Variants in ILRUN observed in about 807,000 individuals in gnomAD.
ILRUN encodes the protein protein ILRUN.
ILRUN carries 3 observed loss-of-function variants against 33.8 expected under a neutral mutation model. The observed-to-expected ratio is 0.09, with a 90% CI of 0.04 to 0.23. The LOEUF (loss-of-function observed/expected upper bound fraction) is 0.23. Among genes scored for constraint, ILRUN ranks in the 10% least tolerant of loss-of-function variants. The pLI, the probability that ILRUN is intolerant of heterozygous loss-of-function variation, is 1.00. For synonymous variants in ILRUN, 124 were observed against 138.9 expected, an observed-to-expected ratio of 0.89 and a Z score of 0.75; for missense variants, 210 against 375.1, an observed-to-expected ratio of 0.56 and a Z score of 3.64.
chr6:34,590,597 G>A lies in ILRUN; in HGVS notation c.865C>T (p.Leu289Phe). The A allele has an allele frequency of 6.2e-7, 1 of 1,606,590 alleles. No individual in the cohort carries two copies. The highest frequency in any genetic ancestry group is 2.2e-5 in the East Asian group (1 of 44,846). The change falls in exon 5 of 5, where the codon CTC (leucine) becomes TTC (phenylalanine). Residue 289 changes from leucine to phenylalanine, a missense_variant. Leu to Phe is a conservative substitution (Grantham distance 22). Around this residue, in one of 4 missense-constraint regions of ILRUN, gnomAD observed 81 missense variants for 97.0 expected, o/e 0.84. Transcript: ENST00000374023. ...TGGCCGAAGGGGTAAGGCCCATGGA[G>A]CCCCTGGAAGAGAGTGAAGATAGTC... ...NLSVVTYSKG[L>F]HGPYPFGQS
At position 34,613,216 on chromosome 6, in the gene ILRUN, AAACAAC is replaced by A. The variant is rs35446561; in HGVS notation, c.512-6318_512-6313del. ...GTGACAGAGTGAGACCCTGTCTCAA[AAACAAC>A]AACAACAACAACAACAACAACAACA... On this transcript the variant is annotated intron_variant, in intron 3 of 4. Coordinates refer to ENST00000374023, the MANE Select transcript of ILRUN (RefSeq NM_024294.4). Among the ~76,000 whole-genome samples the A allele has an allele frequency of 8.5e-4, 128 of 150,252 alleles. No individual in the cohort carries two copies. In the South Asian group the frequency reaches 0.014, roughly 16 times the overall value.
chr6:34,622,528 T>C (rs967192691), intron 3 of ILRUN, among the ~76,000 whole-genome samples: 3 of 151,612 alleles, frequency 2.0e-5, no homozygotes, highest in African/African-American at 4.8e-5. Flanking sequence ...ACACTTATGA[T>C]GGCTACTACT....
rs1345882323 is a variant in ILRUN, at chr6:34,592,139, T to C, written c.862-1539A>G. Among the ~76,000 whole-genome samples, 2 of 152,204 alleles carry C rather than the reference T, an allele frequency of 1.3e-5. No homozygotes were observed. Among genetic ancestry groups the C allele is most frequent in the African/African-American group, 4.8e-5 (2 of 41,440 alleles). On this transcript the variant is annotated intron_variant, in intron 4 of 4. Coordinates refer to ENST00000374023, the MANE Select transcript of ILRUN (RefSeq NM_024294.4). This position sits in a 1 kb window ranked among gnomAD's most constrained non-coding sequence, Gnocchi z 4.0. ...AACCAGAAGGACATCTCTAGCTGCT[T>C]GGTCGTATCACTAAACTAAACAAAA...
chr6:34,648,111 T>C (rs75878735), intron 2 of ILRUN, among the ~76,000 whole-genome samples: 1,828 of 152,286 alleles, frequency 0.012, 44 homozygotes, highest in African/African-American at 0.039. Flanking sequence ...CTAGATGTGA[T>C]TTTTCCTGTG....
At chr6:34,670,858 A>AG (rs1562026571) in intron 1 of ILRUN, among the ~76,000 whole-genome samples, 1 of 151,446 alleles carries the variant, frequency 6.6e-6, no homozygotes, top group African/African-American at 2.4e-5. Flanking sequence ...AAAAAAAAAA[A>AG]AAAAGAAAAG....
rs990915567 is a variant in ILRUN, at chr6:34,663,326, A to G, written c.159-8547T>C. Among the ~76,000 whole-genome samples the G allele has an allele frequency of 1.4e-4, 22 of 152,214 alleles. 1 individual carries two copies. The highest frequency in any genetic ancestry group is 1.2e-3 in the Admixed American group (18 of 15,284). Reference sequence around the variant, plus strand: ...TAGTCCCAGCTACTCAGAAGGCTGAAGTGGAAAGATCACTTGAGCCCAGGA... The same window carrying G: ...TAGTCCCAGCTACTCAGAAGGCTGAGGTGGAAAGATCACTTGAGCCCAGGA... On this transcript the variant is annotated intron_variant, in intron 1 of 4. Coordinates refer to ENST00000374023, the MANE Select transcript of ILRUN (RefSeq NM_024294.4).
intron 3 of ILRUN, among the ~76,000 whole-genome samples, chr6:34,622,766 G>A (rs1382349884): frequency 6.6e-6 from 1 of 152,190 alleles, no homozygotes; most frequent in Non-Finnish European, 1.5e-5. Flanking sequence ...CTAAAGATCT[G>A]AAAACAGGGT....
rs1275625874 is a variant in ILRUN at position 34,590,598 on chromosome 6, C to T, written c.864G>A (p.Gly288=). ...NNLSVVTYSK[G]LHGPYPFGQS is the part of the protein sequence containing the mutation. The stretch of plus-strand genomic sequence containing the variant: ...GGCCGAAGGGGTAAGGCCCATGGAG[C>T]CCCTGGAAGAGAGTGAAGATAGTCA... Residue 288 remains glycine (G), a splice_region_variant and synonymous_variant, in exon 5 of 5, where the codon GGG becomes GGA. Transcript: ENST00000374023. The T allele has an allele frequency of 6.2e-7, 1 of 1,606,962 alleles. No homozygotes were observed. The highest frequency in any genetic ancestry group is 8.5e-7 in the Non-Finnish European group (1 of 1,173,536).
chr6:34,608,862 G>A (rs373365742), intron 3 of ILRUN, among the ~76,000 whole-genome samples: 1 of 152,148 alleles, frequency 6.6e-6, no homozygotes, highest in Middle Eastern at 3.2e-3. Flanking sequence ...AGAAAGTAGC[G>A]GTTCCTGAAC....
chr6:34,627,020 T>C (rs1294902716), intron 3 of ILRUN, among the ~76,000 whole-genome samples: 2 of 151,758 alleles, frequency 1.3e-5, no homozygotes, highest in African/African-American at 4.8e-5. Context: ...AAAAAAATGG[T>C]ATTCAGAATA....
Position 34,590,502 on chromosome 6 carries a change from G to C in ILRUN, c.*63C>G. ...GGTCTGCAATCCAGAGGAACCCCTTGCCCTAACCCCCCAAAGTCAGGCCTT... is the reference window on the plus strand; with the variant it reads ...GGTCTGCAATCCAGAGGAACCCCTTCCCCTAACCCCCCAAAGTCAGGCCTT... On this transcript the variant is annotated 3_prime_UTR_variant, in exon 5 of 5. Transcript: ENST00000374023. The C allele has an allele frequency of 6.2e-7, 1 of 1,611,568 alleles. No individual in the cohort carries two copies. The highest frequency in any genetic ancestry group is 8.5e-7 in the Non-Finnish European group (1 of 1,178,762).
At chr6:34,668,377 C>T (rs1443553057) in intron 1 of ILRUN, among the ~76,000 whole-genome samples, 1 of 152,154 alleles carries the variant, frequency 6.6e-6, no homozygotes, top group Non-Finnish European at 1.5e-5. Flanking sequence ...TGTACATCAA[C>T]TTATATATTG....
In ILRUN at chr6:34,653,125, C is replaced by T. The variant is rs771340686; in HGVS notation, c.313+1500G>A. On this transcript the variant is annotated intron_variant, in intron 2 of 4. Coordinates refer to ENST00000374023, the MANE Select transcript of ILRUN (RefSeq NM_024294.4). ...CCCAGCCTGGGTGACAGAGTGAGAC[C>T]TTGTCTCAAAAAAAAAAAAAAAAAA... 6.3e-3 allele frequency among the ~76,000 whole-genome samples: 734 copies of T among 116,162 alleles called. 2 individuals are homozygous for T. Among genetic ancestry groups the T allele is most frequent in the Non-Finnish European group, 9.6e-3 (591 of 61,396 alleles). 76.2% of individuals were successfully genotyped at this position (116,162 alleles called of 152,430 possible).
chr6:34,604,337 G>C (rs1001864746), intron 4 of ILRUN, among the ~76,000 whole-genome samples: 2 of 152,178 alleles, frequency 1.3e-5, no homozygotes. Flanking sequence ...AACCATCACA[G>C]AGGTGGTTAA....
At chr6:34,644,302 TTACTAAGTAGCTA>T (rs1273229981) in intron 3 of ILRUN, among the ~76,000 whole-genome samples, 1 of 152,224 alleles carries the variant, frequency 6.6e-6, no homozygotes, top group Non-Finnish European at 1.5e-5. Flanking sequence ...TTTTAAAAAT[TTACTAAGTAGCTA>T]TTCTCCATTC....
At chr6:34,605,370 G>T (rs1054072061) in intron 4 of ILRUN, among the ~76,000 whole-genome samples, 1 of 147,286 alleles carries the variant, frequency 6.8e-6, no homozygotes, top group East Asian at 2.1e-4. Flanking sequence ...GTTCACACCT[G>T]TAATCCCAGC....
chr6:34,601,938 G>C (rs965511092), intron 4 of ILRUN, among the ~76,000 whole-genome samples: 1 of 152,172 alleles, frequency 6.6e-6, no homozygotes, highest in Non-Finnish European at 1.5e-5. Flanking sequence ...CAGCAAGCAC[G>C]AGTGCGCGAG....
At chr6:34,622,227 A>G (rs1762026199) in intron 3 of ILRUN, among the ~76,000 whole-genome samples, 1 of 152,190 alleles carries the variant, frequency 6.6e-6, no homozygotes, top group African/African-American at 2.4e-5. Context: ...CTAATAAATT[A>G]GACATCAAAA....
At chr6:34,684,080 C>A (rs1416372964) in intron 1 of ILRUN, among the ~76,000 whole-genome samples, 1 of 150,902 alleles carries the variant, frequency 6.6e-6, no homozygotes, top group African/African-American at 2.4e-5. Context: ...ACCCCACCCC[C>A]CAAAAAAACA....
Sources: gnomAD v4.1 joint callset for allele counts (sites outside exome capture counted in the v4.1 genomes callset) on GRCh38, gnomAD v4.1.1 for gene constraint, gnomAD v4.1.1 regional missense constraint, Gnocchi (gnomAD v3.1) non-coding constraint, MANE v1.5 for transcripts, NCBI Gene and HGNC (gene_info 2026-07-23, HGNC 2026-07-21) for gene names.